GPC6: variants seen among roughly 807,000 people sequenced by gnomAD.
GPC6 encodes the protein glypican 6.
Under a neutral mutation model 55.2 loss-of-function variants are expected in GPC6, and 14 were observed. The observed-to-expected ratio is 0.25, with a 90% CI of 0.17 to 0.40. GPC6 has a LOEUF of 0.40. GPC6 is among the 10% of genes least tolerant of loss of function. GPC6 has a pLI of 1.00. For synonymous variants in GPC6, 278 were observed against 259.6 expected, an observed-to-expected ratio of 1.07 and a Z score of -0.68; for missense variants, 641 against 708.5, an observed-to-expected ratio of 0.90 and a Z score of 1.08.
intron 4 of GPC6, among the ~76,000 whole-genome samples, chr13:94,086,780 T>A (rs1885297776): frequency 6.7e-6 from 1 of 148,210 alleles, no homozygotes; most frequent in Non-Finnish European, 1.5e-5. Context: ...AAATCTCGAT[T>A]TTTTAATAAT....
chr13:94,336,281 TTGAAATA>T (rs1166599855), intron 6 of GPC6, among the ~76,000 whole-genome samples: 1 of 152,132 alleles, frequency 6.6e-6, no homozygotes, highest in Non-Finnish European at 1.5e-5. Context: ...CATAGAGCTG[TTGAAATA>T]TGAACCAAGC....
chr13:94,180,898 G>C (rs1888971670), intron 4 of GPC6, among the ~76,000 whole-genome samples: 1 of 151,776 alleles, frequency 6.6e-6, no homozygotes, highest in African/African-American at 2.4e-5. Flanking sequence ...GAGAGAGAGA[G>C]GGAGAGAGAC....
chr13:93,440,505 G>A (rs1214329502), intron 1 of GPC6, among the ~76,000 whole-genome samples: 1 of 152,176 alleles, frequency 6.6e-6, no homozygotes, highest in African/African-American at 2.4e-5. Flanking sequence ...ATTCCTTAAT[G>A]TCTTACCAAG....
intron 4 of GPC6, among the ~76,000 whole-genome samples, chr13:94,085,882 A>G (rs6492689): frequency 0.58 from 88,259 of 151,964 alleles, 25,696 homozygotes; most frequent in South Asian, 0.62. Context: ...CTGAGTTTTC[A>G]TTAGTTACCC....
At chr13:93,368,279 C>T (rs1230405091) in intron 1 of GPC6, among the ~76,000 whole-genome samples, 7 of 147,102 alleles carry the variant, frequency 4.8e-5, no homozygotes, top group Non-Finnish European at 9.1e-5. Context: ...CTCCCTCCCT[C>T]CTTCCCTCCC....
intron 2 of GPC6, among the ~76,000 whole-genome samples, chr13:93,588,148 C>T (rs1877290057): frequency 6.6e-6 from 1 of 152,098 alleles, no homozygotes; most frequent in Admixed American, 6.6e-5. Flanking sequence ...AGTCATTGAC[C>T]ACTTCTTCGT....
chr13:93,993,867 C>T (rs765835574), intron 3 of GPC6, among the ~76,000 whole-genome samples: 1 of 152,038 alleles, frequency 6.6e-6, no homozygotes, highest in East Asian at 1.9e-4. Flanking sequence ...AAAAATAACA[C>T]ATTGTACAAA....
At position 93,255,598 on chromosome 13, in the gene GPC6, T is replaced by C. The variant is rs191120640; in HGVS notation, c.160+27982T>C. On this transcript the variant is annotated intron_variant, in intron 1 of 8. Coordinates refer to ENST00000377047, the MANE Select transcript of GPC6 (RefSeq NM_005708.5). Reference sequence around the variant, plus strand: ...GTCATACATACTGATCTTTATAGAATACTGAAGGTGCTGTTTCTTTTCTAA... The same window carrying C: ...GTCATACATACTGATCTTTATAGAACACTGAAGGTGCTGTTTCTTTTCTAA... 3.9e-5 allele frequency among the ~76,000 whole-genome samples: 6 copies of C among 152,336 alleles called. No individual in the cohort carries two copies. The East Asian group carries it at 9.6e-4, about 24-fold the overall frequency.
intron 1 of GPC6, among the ~76,000 whole-genome samples, chr13:93,543,558 T>C (rs1042902726): frequency 6.6e-6 from 1 of 152,078 alleles, no homozygotes; most frequent in African/African-American, 2.4e-5. Context: ...TAGGGAGGAT[T>C]CCCTCTTTTT....
At chr13:93,679,046 T>A (rs903120144) in intron 2 of GPC6, among the ~76,000 whole-genome samples, 9 of 152,152 alleles carry the variant, frequency 5.9e-5, no homozygotes, top group African/African-American at 2.2e-4. Context: ...CATTTTTGAT[T>A]TATAGAAAAT....
chr13:93,340,326 G>T (rs1295320471), intron 1 of GPC6, among the ~76,000 whole-genome samples: 1 of 152,078 alleles, frequency 6.6e-6, no homozygotes, highest in Non-Finnish European at 1.5e-5. Context: ...GAGCCACCGT[G>T]CCCGGCCCAA....
At chr13:94,395,987 G>A (rs1345983343) in intron 7 of GPC6, among the ~76,000 whole-genome samples, 6 of 152,188 alleles carry the variant, frequency 3.9e-5, no homozygotes, top group South Asian at 2.1e-4. Context: ...GTCAAGAGGC[G>A]GGACTAAAGG....
intron 3 of GPC6, among the ~76,000 whole-genome samples, chr13:93,845,360 T>G (rs1888132730): frequency 1.4e-5 from 2 of 147,958 alleles, no homozygotes; most frequent in Admixed American, 1.4e-4. Context: ...TGTGGAGAAA[T>G]AGGAACACTT....
At chr13:93,419,484 A>C (rs923053299) in intron 1 of GPC6, among the ~76,000 whole-genome samples, 1 of 152,134 alleles carries the variant, frequency 6.6e-6, no homozygotes, top group Non-Finnish European at 1.5e-5. Context: ...AACCATTTAG[A>C]AATGTATTTC....
In GPC6 at chr13:93,640,183, GC is replaced by G. The variant is rs1366546957; in HGVS notation, c.319+94763del. ...CATTATCCTGAGAAGGTCTTCACAG[GC>G]TTCAGGAGAAAGTCAAAAGGGCCCA... On this transcript the variant is annotated intron_variant, in intron 2 of 8. Transcript: ENST00000377047. 2.0e-5 allele frequency among the ~76,000 whole-genome samples: 3 copies of G among 151,956 alleles called. No individual in the cohort carries two copies. In the East Asian group the frequency reaches 5.8e-4, roughly 29 times the overall value.
chr13:93,523,952 A>C (rs1186626370), intron 1 of GPC6, among the ~76,000 whole-genome samples: 1 of 151,920 alleles, frequency 6.6e-6, no homozygotes, highest in Non-Finnish European at 1.5e-5. Flanking sequence ...CAACCTGGGA[A>C]AAACAGGGTG....
chr13:94,382,575 G>A (rs762664465), intron 7 of GPC6, 25 bp downstream of exon 7: 2 of 1,613,382 alleles, frequency 1.2e-6, no homozygotes, highest in African/African-American at 2.7e-5. Flanking sequence ...ATGTGTGCAT[G>A]GATGGGGGCA....
chr13:93,400,059 G>A (rs1436160030), intron 1 of GPC6, among the ~76,000 whole-genome samples: 2 of 152,100 alleles, frequency 1.3e-5, no homozygotes, highest in African/African-American at 2.4e-5. Flanking sequence ...GAACATTTCA[G>A]GACTGGCTGA....
At chr13:93,499,743 C>A (rs1293477111) in intron 1 of GPC6, among the ~76,000 whole-genome samples, 1 of 152,170 alleles carries the variant, frequency 6.6e-6, no homozygotes, top group Non-Finnish European at 1.5e-5. Flanking sequence ...CTCTTTCAAA[C>A]CTCAGTAGAG....
Sources: gnomAD v4.1 joint callset for allele counts (sites outside exome capture counted in the v4.1 genomes callset) on GRCh38, gnomAD v4.1.1 for gene constraint, MANE v1.5 for transcripts, NCBI Gene and HGNC (gene_info 2026-07-23, HGNC 2026-07-21) for gene names.